The following ADPGK variants were observed in gnomAD, a reference collection of about 807,000 sequenced individuals.
ADPGK encodes the protein ADP-dependent glucokinase.
In ADPGK, 26 loss-of-function variants were observed where a neutral mutation model predicts 42.4. The ratio of observed to expected loss-of-function variants is 0.61; its 90% CI spans 0.45 to 0.85. The LOEUF is 0.85. Ranked by LOEUF, ADPGK falls within the 40% of genes least tolerant of loss-of-function variation. The probability of loss-of-function intolerance (pLI) is 0.00; values close to 1 mark genes in which losing one functional copy is unlikely to be tolerated. For missense variants in ADPGK, 571 were observed against 627.0 expected (o/e 0.91, Z 0.95); for synonymous variants, 267 against 252.6 (o/e 1.06, Z -0.54).
chr15:72,761,648 C>T (rs762646485), intron 3 of ADPGK, among the ~76,000 whole-genome samples: 2 of 151,728 alleles, frequency 1.3e-5, no homozygotes, highest in Non-Finnish European at 2.9e-5. Context: ...ACAATGAGGA[C>T]GGCACTGAGA....
At chr15:72,783,357 C>A in intron 1 of ADPGK, 102 bp downstream of exon 1, 1 of 1,295,086 alleles carries the variant, frequency 7.7e-7, no homozygotes, top group Non-Finnish European at 9.8e-7. Context: ...CGGACAGCAG[C>A]GCCTCCCGGG....
intron 2 of ADPGK, among the ~76,000 whole-genome samples, chr15:72,774,529 G>C (rs1347157390): frequency 6.6e-6 from 1 of 152,174 alleles, no homozygotes; most frequent in Admixed American, 6.5e-5. Flanking sequence ...ACTTCGACAG[G>C]TTCTACCTTG....
chr15:72,768,800 A>G (rs952949131), intron 3 of ADPGK, among the ~76,000 whole-genome samples: 3 of 152,050 alleles, frequency 2.0e-5, no homozygotes, highest in African/African-American at 7.2e-5. Flanking sequence ...TGAAACCTCA[A>G]GTCTACAAAA....
At position 72,783,719 on chromosome 15, in the gene ADPGK, A is replaced by G. The variant is rs1045073137; in HGVS notation, c.-28T>C. On this transcript the variant is annotated 5_prime_UTR_variant, in exon 1 of 7. Transcript: ENST00000456471. The stretch of plus-strand genomic sequence containing the variant: ...GGACCCAGGCGCCGCACCTGCGCGA[A>G]CCAACTCCTTTCCTAGCCCGCGCCT... 1 of 1,436,286 alleles carries G rather than the reference A, an allele frequency of 7.0e-7. No homozygotes were observed. Among genetic ancestry groups the G allele is most frequent in the African/African-American group, 1.5e-5 (1 of 66,782 alleles). The allele number at this position is 1,436,286 out of a possible 1,614,324, so 89.0% of individuals were successfully genotyped here. A position where few individuals can be genotyped will look rare whatever the true frequency, so the allele number is the denominator to read the frequency against.
Position 72,756,273 on chromosome 15 carries a change from A to G in ADPGK, c.818T>C (p.Leu273Pro). ...LHMMEGQSKELQRKRLLEVVT... is the reference protein window; with the variant it reads ...LHMMEGQSKEPQRKRLLEVVT... The stretch of plus-strand genomic sequence containing the variant: ...TACCTCCAAGAGTCTCTTCCTCTGG[A>G]GCTCCTTGCTTTGTCCCTCCATCAT... Residue 273 changes from leucine (L) to proline (P), a missense_variant, in exon 5 of 7, where the codon CTC (leucine) becomes CCC (proline). By Grantham distance (98) the Leu-to-Pro change is moderately conservative (BLOSUM62 -3). Around this residue, in one of 2 missense-constraint regions of ADPGK, gnomAD observed 434 missense variants for 522.7 expected, o/e 0.83. Coordinates refer to ENST00000456471, the MANE Select transcript of ADPGK (RefSeq NM_001365225.1). The G allele has an allele frequency of 1.9e-6, 3 of 1,614,164 alleles. No individual in the cohort carries two copies. Among genetic ancestry groups the G allele is most frequent in the Non-Finnish European group, 2.5e-6 (3 of 1,180,032 alleles).
intron 3 of ADPGK, among the ~76,000 whole-genome samples, chr15:72,760,989 G>A (rs1417148509): frequency 6.6e-6 from 1 of 152,104 alleles, no homozygotes; most frequent in African/African-American, 2.4e-5. Flanking sequence ...AGAAAAGAGA[G>A]AGAGATCAAT....
chr15:72,783,596 C>G lies in ADPGK; in HGVS notation c.96G>C (p.Leu32=), dbSNP rs551194246. 74 of 1,516,750 alleles carry G rather than the reference C, an allele frequency of 4.9e-5. No individual in the cohort carries two copies. Among genetic ancestry groups the G allele is most frequent in the South Asian group, 1.6e-4 (13 of 81,810 alleles). 94.0% of individuals were successfully genotyped at this position (1,516,750 alleles called of 1,614,324 possible). ...GACACAGCGAGCTCCAGAGAGAGCG[C>G]AGCGCCGAGCCTGGCAGCTCTGGCT... ...LLEPELPGSA[L]RSLWSSLCLG... Residue 32 remains leucine (L), a synonymous_variant, in exon 1 of 7, where the codon CTG becomes CTC. Coordinates refer to ENST00000456471, the MANE Select transcript of ADPGK (RefSeq NM_001365225.1).
chr15:72,780,181 G>A (rs1451331249), intron 1 of ADPGK, among the ~76,000 whole-genome samples: 4 of 152,180 alleles, frequency 2.6e-5, no homozygotes, highest in Admixed American at 2.0e-4. Flanking sequence ...AAAGGAAAGA[G>A]GTTTAATTGA....
intron 3 of ADPGK, among the ~76,000 whole-genome samples, chr15:72,766,824 A>T (rs182654336): frequency 6.6e-5 from 10 of 152,360 alleles, no homozygotes; most frequent in Admixed American, 6.5e-4. Context: ...GTCAGAGAAG[A>T]TAAAATGAAA....
intron 4 of ADPGK, 29 bp downstream of exon 4, chr15:72,760,378 T>C (rs1566949827): frequency 6.3e-7 from 1 of 1,575,330 alleles, no homozygotes; most frequent in Non-Finnish European, 8.7e-7. Flanking sequence ...TTGACTGGTC[T>C]TGCCACCATT....
intron 3 of ADPGK, among the ~76,000 whole-genome samples, chr15:72,762,021 G>A (rs2066201404): frequency 6.6e-6 from 1 of 152,072 alleles, no homozygotes; most frequent in African/African-American, 2.4e-5. Context: ...ACAGGCGCGT[G>A]CCACCAGGCC....
Position 72,756,330 on chromosome 15 carries a change from T to C in ADPGK, c.761A>G (p.Gln254Arg). Residue 254 changes from glutamine to arginine, a missense_variant, in exon 5 of 7, where the codon CAG (glutamine) becomes CGG (arginine). This residue lies in a region of ADPGK where 434 missense variants were observed against 522.7 expected (regional missense o/e 0.83). Transcript: ENST00000456471. The part of the protein sequence containing the change: ...EVFVSSLEEF[Q>R]PDLVVLSGLH... The stretch of plus-strand genomic sequence containing the variant: ...TCCAGAGAGGACCACCAGGTCTGGC[T>C]GAAACTCCTCCAGGCTAGACACAAA... The C allele has an allele frequency of 6.8e-6, 11 of 1,614,216 alleles. No individual in the cohort carries two copies. The highest frequency in any genetic ancestry group is 9.3e-6 in the Non-Finnish European group (11 of 1,180,048).
At chr15:72,753,772 C>G (rs1052162365) in intron 6 of ADPGK, among the ~76,000 whole-genome samples, 13 of 152,142 alleles carry the variant, frequency 8.5e-5, no homozygotes, top group African/African-American at 3.1e-4. Context: ...ATTGTACAGA[C>G]TAAGCCTCAG....
At position 72,752,414 on chromosome 15, in the gene ADPGK, A is replaced by G; in HGVS notation, c.1421T>C (p.Ile474Thr). ...GGCATCTCCAAGGCCTACAGTTCGA[A>G]TGGGGTCTTTACACACCAATACTGG... ...FTPVLVCKDPIRTVGLGDAIS... is the reference protein window; with the variant it reads ...FTPVLVCKDPTRTVGLGDAIS... The change falls in exon 7 of 7, where the codon ATT becomes ACT. Residue 474 changes from isoleucine to threonine, a missense_variant. Ile to Thr is a moderately conservative substitution (Grantham distance 89). This residue lies in a region of ADPGK where 434 missense variants were observed against 522.7 expected (regional missense o/e 0.83). Coordinates refer to ENST00000456471, the MANE Select transcript of ADPGK (RefSeq NM_001365225.1). 1.9e-6 allele frequency: 3 copies of G among 1,614,212 alleles called. No homozygotes were observed. The highest frequency in any genetic ancestry group is 2.5e-6 in the Non-Finnish European group (3 of 1,180,048).
Position 72,766,888 on chromosome 15 carries a change from G to C in ADPGK, c.522+4895C>G, listed in dbSNP as rs2066267649. ...AAAAAGAGGGACAAAGATAGAGATG[G>C]GGCAAACAGCAAACAAATAGCAAGA... On this transcript the variant is annotated intron_variant, in intron 3 of 6. Coordinates refer to ENST00000456471, the MANE Select transcript of ADPGK (RefSeq NM_001365225.1). Among the ~76,000 whole-genome samples, 4 of 151,878 alleles carry C rather than the reference G, an allele frequency of 2.6e-5. No homozygotes were observed. In the South Asian group the frequency reaches 8.3e-4, roughly 32 times the overall value.
chr15:72,764,082 C>T (rs1385839081), intron 3 of ADPGK, among the ~76,000 whole-genome samples: 1 of 152,188 alleles, frequency 6.6e-6, no homozygotes, highest in Non-Finnish European at 1.5e-5. Context: ...CAGTTAATAA[C>T]CCTACAATGG....
At chr15:72,764,794 T>C (rs768624061) in intron 3 of ADPGK, among the ~76,000 whole-genome samples, 4 of 152,190 alleles carry the variant, frequency 2.6e-5, no homozygotes, top group Non-Finnish European at 5.9e-5. Context: ...AAGAACAAAC[T>C]GACTCTCTTT....
Position 72,755,620 on chromosome 15 carries a change from A to G in ADPGK, c.875T>C (p.Ile292Thr), listed in dbSNP as rs747035789. The G allele has an allele frequency of 1.2e-6, 2 of 1,614,118 alleles. No individual in the cohort carries two copies. The highest frequency in any genetic ancestry group is 1.1e-5 in the South Asian group (1 of 91,084). The stretch of plus-strand genomic sequence containing the variant: ...ACTGGCCAGCTCTAGGTGAACTGGA[A>G]TACCAGTGGGGATGTCAGAAATGGA... Reference protein sequence around the residue: ...VTSISDIPTGIPVHLELASMT... With the variant: ...VTSISDIPTGTPVHLELASMT... The change falls in exon 6 of 7, where the codon ATT becomes ACT. Residue 292 changes from isoleucine (I) to threonine (T), a missense_variant. By Grantham distance (89) the Ile-to-Thr change is moderately conservative. Coordinates refer to ENST00000456471, the MANE Select transcript of ADPGK (RefSeq NM_001365225.1).
At position 72,752,179 on chromosome 15, in the gene ADPGK, T is replaced by A; in HGVS notation, c.*162A>T. On this transcript the variant is annotated 3_prime_UTR_variant, in exon 7 of 7. Coordinates refer to ENST00000456471, the MANE Select transcript of ADPGK (RefSeq NM_001365225.1). ...CCAGTCTCATTAGCTAAATTCGGAT[T>A]AAAATCTGAAATGTTTTTATGGAGT... 1.3e-6 allele frequency: 1 copy of A among 761,966 alleles called. No individual in the cohort carries two copies. Among genetic ancestry groups the A allele is most frequent in the Non-Finnish European group, 2.0e-6 (1 of 492,862 alleles). The allele number at this position is 761,966 out of a possible 1,614,324, so 47.2% of individuals were successfully genotyped here.
Sources: gnomAD v4.1 joint callset for allele counts (sites outside exome capture counted in the v4.1 genomes callset) on GRCh38, gnomAD v4.1.1 for gene constraint, gnomAD v4.1.1 regional missense constraint, MANE v1.5 for transcripts, NCBI Gene and HGNC (gene_info 2026-07-23, HGNC 2026-07-21) for gene names.